GPATCH8: variants seen among roughly 807,000 people sequenced by gnomAD.
GPATCH8 encodes G-patch domain containing 8.
GPATCH8 carries 18 observed loss-of-function variants against 118.3 expected under a neutral mutation model. The observed-to-expected ratio is 0.15, with a 90% confidence interval of 0.11 to 0.23. The LOEUF is 0.23. Ranked by LOEUF, GPATCH8 falls within the 10% of genes least tolerant of loss-of-function variation. The pLI, the probability that GPATCH8 is intolerant of heterozygous loss-of-function variation, is 1.00. For synonymous variants in GPATCH8, 659 were observed against 684.7 expected (o/e 0.96, Z 0.59); for missense variants, 1,631 against 1,873.8 (o/e 0.87, Z 2.39).
intron 3 of GPATCH8, among the ~76,000 whole-genome samples, chr17:44,456,610 C>A (rs1437382360): frequency 6.6e-6 from 1 of 151,798 alleles, no homozygotes; most frequent in Non-Finnish European, 1.5e-5. Context: ...AGAAAGACCT[C>A]ATCTCCAATG....
In GPATCH8 at chr17:44,397,359, TGA is replaced by T. The variant is rs1273795313; in HGVS notation, c.*207_*208del. The T allele has an allele frequency of 4.4e-6, 3 of 685,548 alleles. No individual in the cohort carries two copies. In the African/African-American group the frequency reaches 5.3e-5, roughly 12 times the overall value. 42.5% of individuals were successfully genotyped at this position (685,548 alleles called of 1,614,324 possible). A position where few individuals can be genotyped will look rare whatever the true frequency, so the allele number is the denominator to read the frequency against. On this transcript the variant is annotated 3_prime_UTR_variant, in exon 8 of 8. Coordinates refer to ENST00000591680, the MANE Select transcript of GPATCH8 (RefSeq NM_001002909.4). ...AAACACAGAAGAGGGAGGGACAAATTGAGAGGAGGACAGGAAAAAGAAATCCC... is the reference window on the plus strand; with the variant it reads ...AAACACAGAAGAGGGAGGGACAAATTGAGGAGGACAGGAAAAAGAAATCCC...
At chr17:44,457,846 C>T (rs1226606172) in intron 3 of GPATCH8, among the ~76,000 whole-genome samples, 3 of 152,018 alleles carry the variant, frequency 2.0e-5, no homozygotes, top group Non-Finnish European at 4.4e-5. Flanking sequence ...CTTTGGGAGG[C>T]CGAGGTGGGC....
intron 1 of GPATCH8, among the ~76,000 whole-genome samples, chr17:44,495,241 C>A (rs1046530149): frequency 1.3e-5 from 2 of 151,950 alleles, no homozygotes; most frequent in East Asian, 1.9e-4. Flanking sequence ...GGCTGAGCCA[C>A]GAGAATTGCT....
intron 2 of GPATCH8, 45 bp downstream of exon 2, chr17:44,474,784 C>T (rs769541562): frequency 2.2e-6 from 2 of 925,394 alleles, no homozygotes; most frequent in South Asian, 1.3e-5. Context: ...CGAACACTAC[C>T]TAACTAACTA....
In GPATCH8 at chr17:44,395,466, G is replaced by A. The variant is rs2048746631; in HGVS notation, c.*2102C>T. The A allele has an allele frequency of 6.6e-6, 3 of 454,398 alleles. No homozygotes were observed. Among genetic ancestry groups the A allele is most frequent in the African/African-American group, 6.0e-5 (3 of 50,002 alleles). 28.1% of individuals were successfully genotyped at this position (454,398 alleles called of 1,614,324 possible). On this transcript the variant is annotated 3_prime_UTR_variant, in exon 8 of 8. Transcript: ENST00000591680. ...ATGCCCCTAGGAAGGCAAAGAGGCA[G>A]CCAGAGTATGGCTCAATCTACAAGC...
intron 3 of GPATCH8, among the ~76,000 whole-genome samples, chr17:44,440,245 GA>G (rs2050644019): frequency 6.6e-6 from 1 of 152,044 alleles, no homozygotes. Flanking sequence ...CTCCTTAAAA[GA>G]AACTGTCTTC....
intron 6 of GPATCH8, among the ~76,000 whole-genome samples, chr17:44,416,020 TGA>T (rs2049666256): frequency 6.6e-6 from 1 of 152,254 alleles, no homozygotes; most frequent in Non-Finnish European, 1.5e-5. Flanking sequence ...TTGTTGTTTT[TGA>T]GACGGAGTCT....
chr17:44,421,732 T>C (rs1049487844), intron 6 of GPATCH8, among the ~76,000 whole-genome samples: 1 of 149,506 alleles, frequency 6.7e-6, no homozygotes, highest in African/African-American at 2.5e-5. Context: ...TTTTCTTTTT[T>C]CTTTTTTTTT....
intron 3 of GPATCH8, among the ~76,000 whole-genome samples, chr17:44,455,896 C>T (rs1190938991): frequency 2.0e-5 from 3 of 151,230 alleles, no homozygotes; most frequent in Admixed American, 6.6e-5. Context: ...TACAGGCACT[C>T]GCCACCATGC....
chr17:44,407,479 G>C (rs939761290), intron 6 of GPATCH8, among the ~76,000 whole-genome samples: 4 of 152,076 alleles, frequency 2.6e-5, no homozygotes, highest in African/African-American at 9.7e-5. Flanking sequence ...CACACAGACT[G>C]ACACAGTAAT....
At chr17:44,466,091 AACTGCAGCCTTG>A (rs2051752599) in intron 2 of GPATCH8, among the ~76,000 whole-genome samples, 1 of 152,022 alleles carries the variant, frequency 6.6e-6, no homozygotes, top group Admixed American at 6.6e-5. Context: ...AATTATAGCT[AACTGCAGCCTTG>A]ACCTCCTGGG....
intron 6 of GPATCH8, among the ~76,000 whole-genome samples, chr17:44,411,945 G>A (rs1262217450): frequency 6.6e-6 from 1 of 152,084 alleles, no homozygotes; most frequent in Admixed American, 6.6e-5. Context: ...AAATTGAGAT[G>A]GAGTTTCACT....
At chr17:44,499,068 G>C (rs1969870689) in intron 1 of GPATCH8, among the ~76,000 whole-genome samples, 1 of 152,104 alleles carries the variant, frequency 6.6e-6, no homozygotes, top group African/African-American at 2.4e-5. Context: ...GAAAGTTCTT[G>C]GGCAATTTCT....
chr17:44,432,575 T>C (rs748472324), intron 5 of GPATCH8, among the ~76,000 whole-genome samples: 7 of 152,106 alleles, frequency 4.6e-5, no homozygotes, highest in Non-Finnish European at 1.0e-4. Context: ...TTGGTGAGTA[T>C]GTATGACAAA....
At chr17:44,434,124 A>C in intron 5 of GPATCH8, among the ~76,000 whole-genome samples, 1 of 151,634 alleles carries the variant, frequency 6.6e-6, no homozygotes, top group Admixed American at 6.6e-5. Flanking sequence ...AGTGAGACTC[A>C]GTCTTTAAAA....
chr17:44,453,498 G>GTGTGTGTGT (rs1298562128), intron 3 of GPATCH8, among the ~76,000 whole-genome samples: 6,769 of 130,044 alleles, frequency 0.052, 302 homozygotes, highest in Middle Eastern at 0.11. Context: ...TAGGTAGGTA[G>GTGTGTGTGT]GGGTGTGTGT....
chr17:44,494,782 T>C (rs1444625369), intron 1 of GPATCH8, among the ~76,000 whole-genome samples: 1 of 152,236 alleles, frequency 6.6e-6, no homozygotes, highest in Non-Finnish European at 1.5e-5. Context: ...GGGCTTTGAC[T>C]GTCTATCCCT....
Position 44,400,294 on chromosome 17 carries a change from T to C in GPATCH8, c.1783A>G (p.Ile595Val), listed in dbSNP as rs1287449337. ...AGATGGTCCTTTGAGGAGCTTCCTA[T>C]ATCCTTTGGTTTTTCTGTTCCTTTA... is the stretch of plus-strand genomic sequence containing the variant. ...RTKGTEKPKD[I>V]GSSSKDHLQG... Residue 595 changes from isoleucine (I) to valine (V), a missense_variant, in exon 8 of 8, where the codon ATA becomes GTA. By Grantham distance (29) the Ile-to-Val change is conservative. Transcript: ENST00000591680. 1.2e-6 allele frequency: 2 copies of C among 1,614,118 alleles called. No individual in the cohort carries two copies. The highest frequency in any genetic ancestry group is 1.1e-5 in the South Asian group (1 of 91,082).
chr17:44,398,836 T>G lies in GPATCH8; in HGVS notation c.3241A>C (p.Ser1081Arg), dbSNP rs751280222. 1 of 1,613,964 alleles carries G rather than the reference T, an allele frequency of 6.2e-7. No homozygotes were observed. ...GTGRGSEGDC[S>R]PEDKNSVTAK... ...GTGACAGAGTTCTTGTCTTCAGGACTGCAGTCACCTTCTGACCCTCTTCCT... is the reference window on the plus strand; with the variant it reads ...GTGACAGAGTTCTTGTCTTCAGGACGGCAGTCACCTTCTGACCCTCTTCCT... The change falls in exon 8 of 8, where the codon AGT becomes CGT. Residue 1081 changes from serine (S) to arginine (R), a missense_variant. Physicochemically the swap from Ser to Arg is moderately radical, Grantham distance 110. This residue lies in a region of GPATCH8 where 922 missense variants were observed against 879.7 expected (regional missense o/e 1.05). Transcript: ENST00000591680.
Sources: gnomAD v4.1 joint callset for allele counts (sites outside exome capture counted in the v4.1 genomes callset) on GRCh38, gnomAD v4.1.1 for gene constraint, gnomAD v4.1.1 regional missense constraint, MANE v1.5 for transcripts, NCBI Gene and HGNC (gene_info 2026-07-23, HGNC 2026-07-21) for gene names.